ARK2C: variants seen among roughly 807,000 people sequenced by gnomAD.
ARK2C encodes the protein arkadia (RNF111) C-terminal like ring finger ubiquitin ligase 2C, also known as E3 ubiquitin-protein ligase ARK2C.
At chr18:46,455,873 A>C in the ARK2C span, 16 of 674,562 alleles carry the variant, frequency 2.4e-5, no homozygotes, top group Non-Finnish European at 1.3e-5. Context: ...AAACTTTAAA[A>C]AACCTGACTC....
the ARK2C span, among the ~76,000 whole-genome samples, chr18:46,414,695 C>A: frequency 6.6e-6 from 1 of 152,180 alleles, no homozygotes. Context: ...GACACATGCA[C>A]ATACACACAG....
the ARK2C span, among the ~76,000 whole-genome samples, chr18:46,436,638 G>A: frequency 6.6e-6 from 1 of 152,168 alleles, no homozygotes; most frequent in Non-Finnish European, 1.5e-5. Context: ...AATGCTATGG[G>A]AGCTTCTAGG....
At chr18:46,347,792 T>A in the ARK2C span, among the ~76,000 whole-genome samples, 2 of 152,154 alleles carry the variant, frequency 1.3e-5, no homozygotes, top group East Asian at 3.9e-4. Flanking sequence ...TGAGCCTCAG[T>A]GTTCTTATCT....
the ARK2C span, among the ~76,000 whole-genome samples, chr18:46,395,406 T>G: frequency 6.6e-6 from 1 of 152,212 alleles, no homozygotes; most frequent in African/African-American, 2.4e-5. Context: ...GCAGCATTCC[T>G]GGCACCTCCC....
At chr18:46,390,179 T>A in the ARK2C span, among the ~76,000 whole-genome samples, 1 of 152,192 alleles carries the variant, frequency 6.6e-6, no homozygotes, top group African/African-American at 2.4e-5. Context: ...GGCTGGCAAG[T>A]CAGGTGGGAA....
chr18:46,451,735 T>A, the ARK2C span, among the ~76,000 whole-genome samples: 2 of 152,008 alleles, frequency 1.3e-5, no homozygotes, highest in East Asian at 3.9e-4. Context: ...AGCCCAGGAG[T>A]TTGAGGCTGC....
At chr18:46,379,811 C>G in the ARK2C span, among the ~76,000 whole-genome samples, 1 of 152,230 alleles carries the variant, frequency 6.6e-6, no homozygotes, top group Non-Finnish European at 1.5e-5. Flanking sequence ...AGGGCCCGTT[C>G]AAGAGATGCC....
the ARK2C span, chr18:46,386,203 T>C: frequency 6.6e-6 from 1 of 152,248 alleles, no homozygotes; most frequent in Admixed American, 6.5e-5. Flanking sequence ...TTTCTTACAC[T>C]GGCGAGGGAG....
the ARK2C span, among the ~76,000 whole-genome samples, chr18:46,427,443 C>T: frequency 4.2e-4 from 64 of 152,268 alleles, no homozygotes; most frequent in African/African-American, 1.4e-3. Flanking sequence ...GCAGGAGGGG[C>T]TGCTGCGAGG....
the ARK2C span, among the ~76,000 whole-genome samples, chr18:46,401,427 G>C: frequency 6.6e-5 from 10 of 152,108 alleles, no homozygotes; most frequent in Admixed American, 6.5e-4. Flanking sequence ...AAAAATGGAG[G>C]TTCCTTGTAT....
the ARK2C span, among the ~76,000 whole-genome samples, chr18:46,393,869 C>G: frequency 6.6e-6 from 1 of 152,246 alleles, no homozygotes; most frequent in Non-Finnish European, 1.5e-5. Flanking sequence ...GCCTCTGCCA[C>G]TTCGTGGCTC....
the ARK2C span, chr18:46,336,470 A>C: frequency 1.0e-6 from 1 of 985,404 alleles, no homozygotes; most frequent in African/African-American, 1.7e-5. Flanking sequence ...TCAAGGGCTG[A>C]GGGGTGAGTT....
At chr18:46,344,490 A>T in the ARK2C span, among the ~76,000 whole-genome samples, 2 of 151,366 alleles carry the variant, frequency 1.3e-5, no homozygotes, top group South Asian at 4.2e-4. Flanking sequence ...ACCTGCTTCT[A>T]CTCCTCAAAT....
the ARK2C span, among the ~76,000 whole-genome samples, chr18:46,432,729 G>T: frequency 6.6e-6 from 1 of 151,824 alleles, no homozygotes. Context: ...AGGCCGAGGC[G>T]GGTGGATCAC....
chr18:46,408,709 G>T, the ARK2C span, among the ~76,000 whole-genome samples: 2 of 152,216 alleles, frequency 1.3e-5, no homozygotes, highest in Non-Finnish European at 2.9e-5. Flanking sequence ...ACAGTCCGAG[G>T]TCACATCCTT....
the ARK2C span, chr18:46,456,105 C>A: frequency 2.2e-6 from 3 of 1,352,942 alleles, no homozygotes; most frequent in Non-Finnish European, 3.2e-6. Context: ...TTTTGATTCC[C>A]TCTCCCCTCT....
the ARK2C span, among the ~76,000 whole-genome samples, chr18:46,382,242 G>A: frequency 2.6e-5 from 4 of 152,154 alleles, no homozygotes; most frequent in South Asian, 2.1e-4. Flanking sequence ...GTCCCATGGA[G>A]GCAGGGGTTG....
At chr18:46,447,039 C>A in the ARK2C span, among the ~76,000 whole-genome samples, 2 of 152,152 alleles carry the variant, frequency 1.3e-5, no homozygotes. Flanking sequence ...CAGTGCAATT[C>A]ATCAATTAAT....
the ARK2C span, among the ~76,000 whole-genome samples, chr18:46,408,380 T>A: frequency 6.6e-6 from 1 of 152,328 alleles, no homozygotes; most frequent in Non-Finnish European, 1.5e-5. Context: ...GGCCTTAGGC[T>A]GATGTGACTG....
Sources: allele counts gnomAD v4.1 joint callset (sites outside exome capture counted in the v4.1 genomes callset), GRCh38; gene constraint gnomAD v4.1.1; transcripts MANE v1.5; gene names NCBI Gene and HGNC (gene_info 2026-07-23, HGNC 2026-07-21).